SDHAF3: variants seen among roughly 807,000 people sequenced by gnomAD.
The protein encoded by SDHAF3 is succinate dehydrogenase assembly factor 3, mitochondrial.
SDHAF3 carries 18 observed loss-of-function variants against 11.5 expected under a neutral mutation model. The ratio of observed to expected loss-of-function variants is 1.56; its 90% confidence interval spans 1.08 to 2.32. SDHAF3 has a LOEUF of 2.32. Ranked by LOEUF, SDHAF3 falls within the 30% of genes most tolerant of loss-of-function variation. SDHAF3 has a pLI of 0.00. For missense variants in SDHAF3, 200 were observed against 154.4 expected (o/e 1.30, Z -1.57); for synonymous variants, 72 against 59.3 (o/e 1.21, Z -0.99).
rs74469460 is a variant in SDHAF3 at position 97,138,521 on chromosome 7, C to T, written c.174+20624C>T. 9.3e-3 allele frequency among the ~76,000 whole-genome samples: 1,413 copies of T among 152,208 alleles called. 29 individuals are homozygous for T. The highest frequency in any genetic ancestry group is 0.032 in the African/African-American group (1,325 of 41,524). On this transcript the variant is annotated intron_variant, in intron 1 of 1. Coordinates refer to ENST00000432641, the MANE Select transcript of SDHAF3 (RefSeq NM_020186.3). Reference sequence around the variant, plus strand: ...AGTTTATTTAAAAAATATGTATACCCATATGAGAGATTACATTTTAAATTT... The same window carrying T: ...AGTTTATTTAAAAAATATGTATACCTATATGAGAGATTACATTTTAAATTT...
At chr7:97,169,929 T>G (rs553746695) in intron 1 of SDHAF3, among the ~76,000 whole-genome samples, 46 of 152,198 alleles carry the variant, frequency 3.0e-4, no homozygotes, top group Non-Finnish European at 5.9e-4. Flanking sequence ...TATAAGCTGT[T>G]TTTTGTTCCC....
intron 1 of SDHAF3, among the ~76,000 whole-genome samples, chr7:97,127,534 A>G (rs1363984705): frequency 6.6e-6 from 1 of 152,160 alleles, no homozygotes; most frequent in African/African-American, 2.4e-5. Flanking sequence ...GTATGTATGT[A>G]TCATATATAC....
At chr7:97,149,593 C>T (rs1233492803) in intron 1 of SDHAF3, among the ~76,000 whole-genome samples, 1 of 152,132 alleles carries the variant, frequency 6.6e-6, no homozygotes, top group African/African-American at 2.4e-5. Flanking sequence ...CTATTATCTA[C>T]TAAGTGTGTC....
At chr7:97,128,894 AG>A (rs1791620288) in intron 1 of SDHAF3, among the ~76,000 whole-genome samples, 1 of 151,954 alleles carries the variant, frequency 6.6e-6, no homozygotes, top group Non-Finnish European at 1.5e-5. Context: ...CCTTTGAGAT[AG>A]GATCTTGCTC....
In SDHAF3 at chr7:97,174,991, T is replaced by A. The variant is rs547332392; in HGVS notation, c.175-6021T>A. 2.0e-5 allele frequency among the ~76,000 whole-genome samples: 3 copies of A among 152,346 alleles called. No individual in the cohort carries two copies. In the South Asian group the frequency reaches 6.2e-4, roughly 32 times the overall value. On this transcript the variant is annotated intron_variant, in intron 1 of 1. Transcript: ENST00000432641. ...TAAATTGATAATTAGATGTAGAGGC[T>A]TACTAGGTGTATTTTTTTGTTTGTT...
intron 1 of SDHAF3, among the ~76,000 whole-genome samples, chr7:97,152,486 G>A (rs1584223694): frequency 6.6e-6 from 1 of 152,142 alleles, no homozygotes; most frequent in East Asian, 1.9e-4. Context: ...TTATGGGTCT[G>A]GGTAACACCA....
At chr7:97,152,587 GAGGTT>G (rs1789241642) in intron 1 of SDHAF3, among the ~76,000 whole-genome samples, 2 of 152,140 alleles carry the variant, frequency 1.3e-5, no homozygotes, top group Non-Finnish European at 2.9e-5. Flanking sequence ...AGCAATTGAG[GAGGTT>G]AGGAAGTTTA....
At chr7:97,127,880 T>C (rs143271465) in intron 1 of SDHAF3, among the ~76,000 whole-genome samples, 379 of 151,458 alleles carry the variant, frequency 2.5e-3, no homozygotes, top group African/African-American at 8.7e-3. Context: ...GTCACACATA[T>C]ATGTTTTCTA....
rs543528293 is a variant in SDHAF3, at chr7:97,154,529, T to A, written c.175-26483T>A. Among the ~76,000 whole-genome samples the A allele has an allele frequency of 4.4e-4, 67 of 152,338 alleles. 1 individual carries two copies. The highest frequency in any genetic ancestry group is 1.6e-3 in the African/African-American group (66 of 41,570). On this transcript the variant is annotated intron_variant, in intron 1 of 1. Coordinates refer to ENST00000432641, the MANE Select transcript of SDHAF3 (RefSeq NM_020186.3). ...TTTGATACATTCTAAATGCTAGTCCTTTGTCAGTTATGTGGTTTGCAAATA... is the reference window on the plus strand; with the variant it reads ...TTTGATACATTCTAAATGCTAGTCCATTGTCAGTTATGTGGTTTGCAAATA...
At chr7:97,146,686 C>T (rs1789139412) in intron 1 of SDHAF3, among the ~76,000 whole-genome samples, 1 of 151,474 alleles carries the variant, frequency 6.6e-6, no homozygotes. Flanking sequence ...ATTGGGATAC[C>T]AAAGAAACTC....
chr7:97,174,996 A>G (rs1292467073), intron 1 of SDHAF3, among the ~76,000 whole-genome samples: 4 of 152,102 alleles, frequency 2.6e-5, no homozygotes, highest in Non-Finnish European at 5.9e-5. Context: ...GAGGCTTACT[A>G]GGTGTATTTT....
In SDHAF3 at chr7:97,158,326, G is replaced by A. The variant is rs550867957; in HGVS notation, c.175-22686G>A. Among the ~76,000 whole-genome samples the A allele has an allele frequency of 4.3e-4, 65 of 151,954 alleles. No homozygotes were observed. The South Asian group carries it at 5.6e-3, about 13-fold the overall frequency. On this transcript the variant is annotated intron_variant, in intron 1 of 1. Coordinates refer to ENST00000432641, the MANE Select transcript of SDHAF3 (RefSeq NM_020186.3). ...ATCCTATAAACATCTTAGTTTCCCCGTGTTTTTGTTTGTTTGTTTGAGACA... is the reference window on the plus strand; with the variant it reads ...ATCCTATAAACATCTTAGTTTCCCCATGTTTTTGTTTGTTTGTTTGAGACA...
intron 1 of SDHAF3, among the ~76,000 whole-genome samples, chr7:97,167,683 C>T (rs1333416720): frequency 1.3e-5 from 2 of 151,916 alleles, no homozygotes; most frequent in African/African-American, 2.4e-5. Context: ...TCTAGAGTGC[C>T]GATTGGTGGG....
chr7:97,177,152 G>C (rs994091195), intron 1 of SDHAF3, among the ~76,000 whole-genome samples: 5 of 151,692 alleles, frequency 3.3e-5, no homozygotes, highest in African/African-American at 9.7e-5. Context: ...AACTTGCTAA[G>C]CTTCTTGAAT....
At chr7:97,147,912 A>G (rs908667128) in intron 1 of SDHAF3, among the ~76,000 whole-genome samples, 1 of 151,920 alleles carries the variant, frequency 6.6e-6, no homozygotes, top group African/African-American at 2.4e-5. Context: ...TTATTTATTT[A>G]TTTTTATTTT....
chr7:97,172,811 G>C (rs1789622225), intron 1 of SDHAF3, among the ~76,000 whole-genome samples: 1 of 152,094 alleles, frequency 6.6e-6, no homozygotes, highest in Non-Finnish European at 1.5e-5. Context: ...AATGTATATT[G>C]TAAAAAATTA....
At chr7:97,126,156 G>A (rs1332959021) in intron 1 of SDHAF3, among the ~76,000 whole-genome samples, 1 of 152,204 alleles carries the variant, frequency 6.6e-6, no homozygotes, top group Admixed American at 6.5e-5. Flanking sequence ...ATTGCTGCCT[G>A]CTCTTTCCTC....
At chr7:97,176,157 AAC>A (rs545740716) in intron 1 of SDHAF3, among the ~76,000 whole-genome samples, 64 of 152,310 alleles carry the variant, frequency 4.2e-4, no homozygotes, top group African/African-American at 1.5e-3. Flanking sequence ...CATATAAGGT[AAC>A]ACAGTTTCAG....
intron 1 of SDHAF3, among the ~76,000 whole-genome samples, chr7:97,179,474 A>G (rs1184400880): frequency 7.5e-6 from 1 of 134,126 alleles, no homozygotes; most frequent in Non-Finnish European, 1.7e-5. Flanking sequence ...AATTATTTCC[A>G]TTTTTTTTTT....
Sources: allele counts gnomAD v4.1 joint callset (sites outside exome capture counted in the v4.1 genomes callset), GRCh38; gene constraint gnomAD v4.1.1; transcripts MANE v1.5; gene names NCBI Gene and HGNC (gene_info 2026-07-23, HGNC 2026-07-21).